Variants in WASF3 observed in about 807,000 individuals in gnomAD.
WASF3 encodes the protein WASP family member 3, also known as actin-binding protein WASF3.
Under a neutral mutation model 46.6 loss-of-function variants are expected in WASF3, and 11 were observed. The ratio of observed to expected loss-of-function variants is 0.24; its 90% confidence interval spans 0.15 to 0.39. The LOEUF is 0.39. WASF3 is among the 10% of genes least tolerant of loss of function. The probability of loss-of-function intolerance (pLI) is 1.00; values close to 1 mark genes in which losing one functional copy is unlikely to be tolerated. For synonymous variants in WASF3, 242 were observed against 259.7 expected (o/e 0.93, Z 0.65); for missense variants, 576 against 669.8 (o/e 0.86, Z 1.55).
At chr13:26,605,559 T>C (rs1204345759) in intron 1 of WASF3, among the ~76,000 whole-genome samples, 1 of 152,200 alleles carries the variant, frequency 6.6e-6, no homozygotes, top group Non-Finnish European at 1.5e-5. Context: ...GAGTGTTGTC[T>C]ATGTGCCAAG....
intron 6 of WASF3, among the ~76,000 whole-genome samples, chr13:26,674,837 G>A (rs192106759): frequency 2.0e-5 from 3 of 152,268 alleles, no homozygotes; most frequent in Admixed American, 1.3e-4. Flanking sequence ...TATATTGCCC[G>A]TAATCTTTAA....
At chr13:26,602,999 G>T (rs181082121) in intron 1 of WASF3, among the ~76,000 whole-genome samples, 20 of 152,248 alleles carry the variant, frequency 1.3e-4, no homozygotes, top group Non-Finnish European at 2.6e-4. Flanking sequence ...TAGTATTTTA[G>T]CCCAGGATAT....
rs1882808308 is a variant in WASF3, at chr13:26,667,518, C to T, written c.270C>T (p.Val90=). Residue 90 remains valine, a splice_region_variant and synonymous_variant, in exon 5 of 10, where the codon GTC becomes GTT. Coordinates refer to ENST00000335327, the MANE Select transcript of WASF3 (RefSeq NM_006646.6). ...ACTTGGGGGATTTTCTCTAAATAGT[C>T]TCACTACAGGATATCAACATGAAAA... is the stretch of plus-strand genomic sequence containing the variant. ...VTQLDSTVEE[V]SLQDINMKKA... 3 of 1,608,086 alleles carry T rather than the reference C, an allele frequency of 1.9e-6. No homozygotes were observed. Among genetic ancestry groups the T allele is most frequent in the East Asian group, 4.5e-5 (2 of 44,648 alleles).
chr13:26,631,664 T>C (rs1881655117), intron 2 of WASF3, among the ~76,000 whole-genome samples: 1 of 152,222 alleles, frequency 6.6e-6, no homozygotes. Flanking sequence ...GGCTCTTTTT[T>C]CGTTCCATAT....
intron 5 of WASF3, among the ~76,000 whole-genome samples, chr13:26,671,662 C>CCTACAACAGGTTATT (rs1038522007): frequency 1.7e-4 from 26 of 152,032 alleles, no homozygotes; most frequent in Non-Finnish European, 8.8e-5. Flanking sequence ...GTACTTTTAA[C>CCTACAACAGGTTATT]CTACAACAGG....
chr13:26,575,785 G>A (rs1435070586), intron 1 of WASF3, among the ~76,000 whole-genome samples: 1 of 152,072 alleles, frequency 6.6e-6, no homozygotes, highest in Non-Finnish European at 1.5e-5. Flanking sequence ...TGCTTTTTAT[G>A]TTGCTTTGCT....
intron 3 of WASF3, among the ~76,000 whole-genome samples, chr13:26,661,961 A>G (rs530292057): frequency 2.6e-5 from 4 of 152,254 alleles, no homozygotes; most frequent in African/African-American, 9.6e-5. Context: ...TCAGTCAGCT[A>G]CTACTGTGAG....
chr13:26,654,055 G>A (rs653920), intron 3 of WASF3, among the ~76,000 whole-genome samples: 44,015 of 152,006 alleles, frequency 0.29, 6,787 homozygotes, highest in East Asian at 0.58. Context: ...TAGCAAGTCT[G>A]TATGCCTGTT....
At chr13:26,619,625 T>C (rs1881244583) in intron 2 of WASF3, 1 of 151,508 alleles carries the variant, frequency 6.6e-6, no homozygotes, top group South Asian at 2.1e-4. Flanking sequence ...AGATAGGGGG[T>C]CTGAAGCTTA....
At chr13:26,625,806 A>G (rs779831366) in intron 2 of WASF3, among the ~76,000 whole-genome samples, 3 of 152,236 alleles carry the variant, frequency 2.0e-5, no homozygotes, top group Non-Finnish European at 2.9e-5. Context: ...TTCTCACACT[A>G]TGCATGAAGT....
At chr13:26,585,148 A>G (rs1004867619) in intron 1 of WASF3, among the ~76,000 whole-genome samples, 1 of 152,174 alleles carries the variant, frequency 6.6e-6, no homozygotes, top group Admixed American at 6.5e-5. Flanking sequence ...TAGTTGTAAT[A>G]AATAATATTT....
upstream of WASF3, among the ~76,000 whole-genome samples, chr13:26,556,167 T>G (rs1158048105): frequency 3.3e-5 from 5 of 152,160 alleles, no homozygotes; most frequent in African/African-American, 1.2e-4. Flanking sequence ...GGATGATGTG[T>G]TTAAGGGCTA....
chr13:26,683,000 C>T lies in WASF3; in HGVS notation c.1351+26C>T, dbSNP rs148241488. The T allele has an allele frequency of 6.6e-4, 1,037 of 1,581,118 alleles. 1 individual carries two copies. The highest frequency in any genetic ancestry group is 1.5e-3 in the Admixed American group (83 of 55,882). ...GTAAGTGGAGCCCCCAGACACACAG[C>T]CTGCCTTTCAGCAAGAGGTTTCTTC... On this transcript the variant is annotated intron_variant, in intron 9 of 9. Transcript: ENST00000335327. This position sits in a 1 kb window ranked among gnomAD's most constrained non-coding sequence, Gnocchi z 4.4.
At chr13:26,669,776 A>G (rs1190604212) in intron 5 of WASF3, among the ~76,000 whole-genome samples, 1 of 152,228 alleles carries the variant, frequency 6.6e-6, no homozygotes, top group African/African-American at 2.4e-5. Flanking sequence ...GGCCTCCCAA[A>G]GTGCTGGGAT....
At chr13:26,683,474 CAA>C (rs5802386) in intron 9 of WASF3, among the ~76,000 whole-genome samples, 7 of 121,422 alleles carry the variant, frequency 5.8e-5, no homozygotes, top group East Asian at 2.2e-4. Context: ...AGACCCGTCT[CAA>C]AAAAAAAAAA....
At chr13:26,642,457 G>T in intron 3 of WASF3, 54 bp downstream of exon 3, 1 of 1,528,952 alleles carries the variant, frequency 6.5e-7, no homozygotes, top group Non-Finnish European at 8.8e-7. Flanking sequence ...TTAGCAAATT[G>T]ATTTTAATAG....
chr13:26,598,773 T>C (rs1282633943), intron 1 of WASF3, among the ~76,000 whole-genome samples: 1 of 152,254 alleles, frequency 6.6e-6, no homozygotes, highest in Non-Finnish European at 1.5e-5. Flanking sequence ...ATAGCTTGGC[T>C]GCTAGCCTTT....
chr13:26,541,998 T>C, the WASF3 span, among the ~76,000 whole-genome samples: 1 of 152,186 alleles, frequency 6.6e-6, no homozygotes, highest in Admixed American at 6.5e-5. Context: ...GGGGACTGTA[T>C]CATGCCTGAC....
chr13:26,681,697 G>T (rs1008218076), intron 8 of WASF3, among the ~76,000 whole-genome samples: 4 of 152,062 alleles, frequency 2.6e-5, no homozygotes, highest in African/African-American at 9.7e-5. Flanking sequence ...CAGACGAGAA[G>T]ACCACACCAT....
Sources: allele counts gnomAD v4.1 joint callset (sites outside exome capture counted in the v4.1 genomes callset), GRCh38; gene constraint gnomAD v4.1.1; non-coding constraint Gnocchi (gnomAD v3.1); transcripts MANE v1.5; gene names NCBI Gene and HGNC (gene_info 2026-07-23, HGNC 2026-07-21).